The following SPHKAP variants were observed in gnomAD, a reference collection of about 807,000 sequenced individuals.
SPHKAP encodes the protein A-kinase anchor protein SPHKAP.
Under a neutral mutation model 137.5 loss-of-function variants are expected in SPHKAP, and 67 were observed. The observed-to-expected ratio is 0.49, with a 90% CI of 0.40 to 0.60. The LOEUF (loss-of-function observed/expected upper bound fraction) is 0.60, where lower values mean the gene tolerates loss of function less well. SPHKAP is among the 20% of genes least tolerant of loss of function. The pLI, the probability that SPHKAP is intolerant of heterozygous loss-of-function variation, is 0.00. For missense variants in SPHKAP, 2,097 were observed against 2,069.3 expected (o/e 1.01, Z -0.26); for synonymous variants, 813 against 785.3 (o/e 1.04, Z -0.59).
At chr2:228,056,967 G>A (rs1220723937) in intron 3 of SPHKAP, among the ~76,000 whole-genome samples, 1 of 152,192 alleles carries the variant, frequency 6.6e-6, no homozygotes, top group Non-Finnish European at 1.5e-5. Flanking sequence ...CTTGTTGAAT[G>A]GACTGAGAAA....
chr2:227,983,507 T>C (rs550362528), intron 11 of SPHKAP, among the ~76,000 whole-genome samples: 1 of 152,290 alleles, frequency 6.6e-6, no homozygotes, highest in Admixed American at 6.5e-5. Context: ...CAGAAGGACA[T>C]CTTAGCCATC....
At chr2:228,098,727 C>T (rs566624732) in intron 3 of SPHKAP, among the ~76,000 whole-genome samples, 27 of 147,200 alleles carry the variant, frequency 1.8e-4, no homozygotes, top group African/African-American at 5.5e-4. Flanking sequence ...CTAACCTGCA[C>T]GTTGTGCACA....
intron 2 of SPHKAP, among the ~76,000 whole-genome samples, chr2:228,121,687 A>G (rs889957261): frequency 7.9e-5 from 12 of 152,178 alleles, no homozygotes; most frequent in African/African-American, 2.9e-4. Context: ...ATGAGCCCTG[A>G]TATGAGTCTT....
chr2:228,160,278 TTTACTTTG>T (rs1274082599), intron 1 of SPHKAP, among the ~76,000 whole-genome samples: 1 of 152,184 alleles, frequency 6.6e-6, no homozygotes, highest in African/African-American at 2.4e-5. Flanking sequence ...CTTTAATATA[TTTACTTTG>T]TTACCGGTAA....
chr2:227,980,020 G>A lies in SPHKAP; in HGVS notation c.*1697C>T, dbSNP rs916647167. ...TACAACATAGATAACTTCATCACAT[G>A]GTTACAATCCAGTATTTGAGCTTTG... On this transcript the variant is annotated 3_prime_UTR_variant, in exon 12 of 12. Transcript: ENST00000392056. 6.6e-6 allele frequency: 1 copy of A among 152,542 alleles called. No homozygotes were observed. The highest frequency in any genetic ancestry group is 2.4e-5 in the African/African-American group (1 of 41,416). 9.4% of individuals were successfully genotyped at this position (152,542 alleles called of 1,614,324 possible). A position where few individuals can be genotyped will look rare whatever the true frequency, so the allele number is the denominator to read the frequency against.
intron 1 of SPHKAP, among the ~76,000 whole-genome samples, chr2:228,138,565 C>T (rs1699503756): frequency 6.6e-6 from 1 of 152,150 alleles, no homozygotes. Context: ...ACAAAATCCT[C>T]ATTTATTCTG....
At chr2:228,129,432 G>A (rs1699177999) in intron 2 of SPHKAP, among the ~76,000 whole-genome samples, 2 of 152,158 alleles carry the variant, frequency 1.3e-5, no homozygotes, top group Admixed American at 1.3e-4. Context: ...AGAGAAACCA[G>A]TATTATATCC....
At chr2:228,013,178 ATATGG>A (rs1367347948) in intron 7 of SPHKAP, among the ~76,000 whole-genome samples, 6 of 152,312 alleles carry the variant, frequency 3.9e-5, no homozygotes, top group African/African-American at 1.4e-4. Context: ...TGTAATCTAA[ATATGG>A]TTAATTTTCC....
At chr2:227,992,151 G>C (rs143148248) in intron 9 of SPHKAP, among the ~76,000 whole-genome samples, 1 of 152,118 alleles carries the variant, frequency 6.6e-6, no homozygotes, top group African/African-American at 2.4e-5. Context: ...TATTTTTGTC[G>C]TGTCTAGAAA....
At chr2:228,046,503 C>T (rs571033265) in intron 3 of SPHKAP, among the ~76,000 whole-genome samples, 14 of 151,982 alleles carry the variant, frequency 9.2e-5, no homozygotes, top group African/African-American at 3.4e-4. Flanking sequence ...AGTTGTGGAA[C>T]CAAGTATTAA....
chr2:227,986,397 T>A (rs12694760), intron 11 of SPHKAP, among the ~76,000 whole-genome samples: 72,185 of 150,262 alleles, frequency 0.48, 17,507 homozygotes, highest in East Asian at 0.66. Context: ...TGAATGATAT[T>A]ATGGACTTTG....
At chr2:228,089,477 C>T (rs1441139389) in intron 3 of SPHKAP, among the ~76,000 whole-genome samples, 2 of 152,162 alleles carry the variant, frequency 1.3e-5, no homozygotes, top group Non-Finnish European at 2.9e-5. Context: ...TGCAGACTGA[C>T]CCAGTGGTAC....
intron 1 of SPHKAP, among the ~76,000 whole-genome samples, chr2:228,180,893 C>T (rs572178941): frequency 1.3e-5 from 2 of 152,182 alleles, no homozygotes; most frequent in Non-Finnish European, 2.9e-5. Flanking sequence ...TACTCGCACC[C>T]GGCAGCGCCT....
chr2:228,171,055 A>C (rs1349675498), intron 1 of SPHKAP, among the ~76,000 whole-genome samples: 1 of 152,134 alleles, frequency 6.6e-6, no homozygotes, highest in Admixed American at 6.6e-5. Context: ...CTGAAGTGAA[A>C]TAAGGAGGTG....
intron 3 of SPHKAP, among the ~76,000 whole-genome samples, chr2:228,102,475 A>G (rs1233493219): frequency 6.6e-6 from 1 of 152,178 alleles, no homozygotes; most frequent in East Asian, 1.9e-4. Context: ...CAAGTAAAAC[A>G]AAGTCATTGA....
rs35440451 is a variant in SPHKAP, at chr2:228,143,664, C to CTTTTT, written c.33-11584_33-11580dup. On this transcript the variant is annotated intron_variant, in intron 1 of 11. Coordinates refer to ENST00000392056, the MANE Select transcript of SPHKAP (RefSeq NM_001142644.2). ...GCGCATGCCAAGCCAAAACACCTGG[C>CTTTTT]TTTTTTTTTTTTTTTTTTTTTGTAG... Among the ~76,000 whole-genome samples, 22 of 97,434 alleles carry CTTTTT rather than the reference C, an allele frequency of 2.3e-4. 1 individual carries two copies. Among genetic ancestry groups the CTTTTT allele is most frequent in the Non-Finnish European group, 2.9e-4 (14 of 48,360 alleles). The allele number at this position is 97,434 out of a possible 152,430, so 63.9% of individuals were successfully genotyped here.
intron 3 of SPHKAP, among the ~76,000 whole-genome samples, chr2:228,064,278 G>A (rs1219847896): frequency 6.6e-6 from 1 of 152,092 alleles, no homozygotes; most frequent in Admixed American, 6.6e-5. Flanking sequence ...TCACAACCAG[G>A]CAGAAGAATC....
At position 228,154,512 on chromosome 2, in the gene SPHKAP, C is replaced by CTCTCTCTCTCTA. The variant is rs1393941364; in HGVS notation, c.33-22428_33-22427insTAGAGAGAGAGA. 1.7e-3 allele frequency among the ~76,000 whole-genome samples: 37 copies of CTCTCTCTCTCTA among 22,064 alleles called. 1 individual carries two copies. The highest frequency in any genetic ancestry group is 5.8e-3 in the African/African-American group (32 of 5,508). The allele number at this position is 22,064 out of a possible 152,430, so 14.5% of individuals were successfully genotyped here. A position where few individuals can be genotyped will look rare whatever the true frequency, so the allele number is the denominator to read the frequency against. ...TCTCTCTCTCTCTCTCTCTCTCTCT[C>CTCTCTCTCTCTA]TATATATATATATATATATATTTTT... On this transcript the variant is annotated intron_variant, in intron 1 of 11. Transcript: ENST00000392056.
chr2:228,138,854 T>C (rs530885413), intron 1 of SPHKAP, among the ~76,000 whole-genome samples: 1 of 152,270 alleles, frequency 6.6e-6, no homozygotes, highest in Admixed American at 6.5e-5. Flanking sequence ...TGTAATGGTG[T>C]AGCAAGAAAC....
Sources: gnomAD v4.1 joint callset for allele counts (sites outside exome capture counted in the v4.1 genomes callset) on GRCh38, gnomAD v4.1.1 for gene constraint, MANE v1.5 for transcripts, NCBI Gene and HGNC (gene_info 2026-07-23, HGNC 2026-07-21) for gene names.